Variants in STAG1 observed in about 807,000 individuals in gnomAD.
STAG1 encodes the protein cohesin subunit SA-1.
Under a neutral mutation model 170.9 loss-of-function variants are expected in STAG1, and 26 were observed. The ratio of observed to expected loss-of-function variants is 0.15; its 90% CI spans 0.11 to 0.21. STAG1 has a LOEUF of 0.21. Ranked by LOEUF, STAG1 falls within the 10% of genes least tolerant of loss-of-function variation. STAG1 has a pLI of 1.00. For synonymous variants in STAG1, 514 were observed against 497.7 expected (o/e 1.03, Z -0.44); for missense variants, 964 against 1,509.5 (o/e 0.64, Z 5.99).
At chr3:136,502,826 C>T (rs758805188) in intron 7 of STAG1, 47 bp from the exon 8 acceptor site, 27 of 1,406,852 alleles carry the variant, frequency 1.9e-5, no homozygotes, top group Non-Finnish European at 2.1e-5. Context: ...AAAACTTTAT[C>T]CATATAAGAT....
At chr3:136,694,180 T>C (rs191393595) in intron 1 of STAG1, among the ~76,000 whole-genome samples, 206 of 152,302 alleles carry the variant, frequency 1.4e-3, no homozygotes, top group South Asian at 9.3e-3. Context: ...GATAACCCTA[T>C]GTAAATTCTT....
chr3:136,587,691 A>AT (rs1937908928), intron 4 of STAG1, among the ~76,000 whole-genome samples: 1 of 152,206 alleles, frequency 6.6e-6, no homozygotes, highest in Non-Finnish European at 1.5e-5. Context: ...ATGGTGGCTC[A>AT]TGTCTGTAAC....
intron 1 of STAG1, among the ~76,000 whole-genome samples, chr3:136,751,171 CGTTTTTTTTTTTT>C (rs1026658333): frequency 7.2e-6 from 1 of 138,268 alleles, no homozygotes; most frequent in Admixed American, 7.2e-5. Flanking sequence ...TGACAAATTG[CGTTTTTTTTTTTT>C]GTTTTTTTTT....
intron 4 of STAG1, among the ~76,000 whole-genome samples, chr3:136,598,368 T>C (rs548418961): frequency 3.3e-5 from 5 of 152,312 alleles, no homozygotes; most frequent in African/African-American, 7.2e-5. Context: ...TTCACTAACA[T>C]TTCTTTCACT....
intron 3 of STAG1, among the ~76,000 whole-genome samples, chr3:136,621,569 GAAAT>G (rs1256219409): frequency 6.6e-6 from 1 of 152,096 alleles, no homozygotes; most frequent in Non-Finnish European, 1.5e-5. Flanking sequence ...TACAAATGAA[GAAAT>G]AATACAAAAA....
chr3:136,551,814 T>TA, intron 5 of STAG1, among the ~76,000 whole-genome samples: 1 of 151,980 alleles, frequency 6.6e-6, no homozygotes, highest in Non-Finnish European at 1.5e-5. Flanking sequence ...AGGCTGGTCT[T>TA]AAACTCCTGG....
At chr3:136,485,596 A>G (rs2089992936) in intron 9 of STAG1, among the ~76,000 whole-genome samples, 1 of 152,230 alleles carries the variant, frequency 6.6e-6, no homozygotes, top group South Asian at 2.1e-4. Context: ...GGACAATATA[A>G]TGAATAACTG....
intron 5 of STAG1, among the ~76,000 whole-genome samples, chr3:136,551,525 CCACCT>C (rs1047523533): frequency 2.0e-5 from 3 of 149,864 alleles, no homozygotes; most frequent in African/African-American, 7.4e-5. Context: ...AGCGATGCCC[CCACCT>C]CGGGCTCCCA....
At chr3:136,501,030 GT>G (rs3836254) in intron 8 of STAG1, among the ~76,000 whole-genome samples, 56,743 of 151,984 alleles carry the variant, frequency 0.37, 11,729 homozygotes, top group African/African-American at 0.55. Context: ...ATACATGAAT[GT>G]TGACAATAAA....
intron 1 of STAG1, among the ~76,000 whole-genome samples, chr3:136,733,745 G>A (rs1213336517): frequency 2.0e-5 from 3 of 152,112 alleles, no homozygotes; most frequent in Admixed American, 1.3e-4. Flanking sequence ...AGTTAATTTA[G>A]GCTATAAGAA....
At chr3:136,689,948 G>A (rs1461621929) in intron 1 of STAG1, among the ~76,000 whole-genome samples, 1 of 149,708 alleles carries the variant, frequency 6.7e-6, no homozygotes, top group Non-Finnish European at 1.5e-5. Context: ...AGGCAGACAG[G>A]AGAATCAGTT....
At chr3:136,571,355 G>T (rs532733366) in intron 4 of STAG1, among the ~76,000 whole-genome samples, 16 of 152,280 alleles carry the variant, frequency 1.1e-4, no homozygotes, top group African/African-American at 3.6e-4. Flanking sequence ...GACGACTTGA[G>T]CACAGGAGTT....
At chr3:136,603,681 G>A (rs953503743) in intron 4 of STAG1, among the ~76,000 whole-genome samples, 3 of 152,094 alleles carry the variant, frequency 2.0e-5, no homozygotes, top group Non-Finnish European at 4.4e-5. Context: ...TCAGCAGATC[G>A]AGATCATCCT....
intron 21 of STAG1, among the ~76,000 whole-genome samples, chr3:136,403,224 T>TAAAAAAAAAAAAAAAAAAA (rs55678408): frequency 4.8e-4 from 16 of 33,598 alleles, no homozygotes; most frequent in African/African-American, 7.6e-4. Context: ...GAGACTGTCT[T>TAAAAAAAAAAAAAAAAAAA]AAAAAAAAAA....
chr3:136,603,994 A>G (rs1938814001), intron 4 of STAG1, among the ~76,000 whole-genome samples: 1 of 152,108 alleles, frequency 6.6e-6, no homozygotes, highest in African/African-American at 2.4e-5. Flanking sequence ...TCTTTCAAAT[A>G]CTCTGAAAGA....
chr3:136,583,825 A>C (rs1194938673), intron 4 of STAG1, among the ~76,000 whole-genome samples: 1 of 152,098 alleles, frequency 6.6e-6, no homozygotes, highest in African/African-American at 2.4e-5. Flanking sequence ...AAAACAAAAA[A>C]ACAAACCTAA....
At chr3:136,747,988 G>T (rs1935033048) in intron 1 of STAG1, among the ~76,000 whole-genome samples, 1 of 151,590 alleles carries the variant, frequency 6.6e-6, no homozygotes. Context: ...GTGTTGCCAG[G>T]ATGGTCTCGA....
At chr3:136,386,288 G>A (rs1410366259) in intron 22 of STAG1, among the ~76,000 whole-genome samples, 5 of 152,114 alleles carry the variant, frequency 3.3e-5, no homozygotes, top group African/African-American at 4.8e-5. Flanking sequence ...GTGGTGAGCC[G>A]AGATCGTGCC....
At chr3:136,560,793 A>T (rs1219097376) in intron 5 of STAG1, among the ~76,000 whole-genome samples, 2 of 152,236 alleles carry the variant, frequency 1.3e-5, no homozygotes, top group African/African-American at 4.8e-5. Context: ...TCAAGAGCCA[A>T]GATGAGAAAA....
Sources: allele counts gnomAD v4.1 joint callset (sites outside exome capture counted in the v4.1 genomes callset), GRCh38; gene constraint gnomAD v4.1.1; transcripts MANE v1.5; gene names NCBI Gene and HGNC (gene_info 2026-07-23, HGNC 2026-07-21).